Variants in FRRS1 observed in about 807,000 individuals in gnomAD.
FRRS1 encodes ferric chelate reductase 1, also known as ferric reductase 1.
A neutral mutation model predicts 70.7 loss-of-function variants in FRRS1; 51 were observed. That is an observed-to-expected ratio of 0.72 (90% confidence interval 0.58 to 0.91). The LOEUF (loss-of-function observed/expected upper bound fraction) is 0.91. Among genes scored for constraint, FRRS1 ranks in the 40% least tolerant of loss-of-function variants. The probability of loss-of-function intolerance (pLI) is 0.00; values close to 1 mark genes in which losing one functional copy is unlikely to be tolerated. For synonymous variants in FRRS1, 225 were observed against 238.7 expected, an observed-to-expected ratio of 0.94 and a Z score of 0.53; for missense variants, 672 against 726.0, an observed-to-expected ratio of 0.93 and a Z score of 0.86.
At chr1:99,715,824 GA>G (rs371969010) in intron 11 of FRRS1, 152 bp from the exon 12 acceptor site, 10,251 of 375,146 alleles carry the variant, frequency 0.027, 103 homozygotes, top group African/African-American at 0.083. Context: ...GCCAGGTTAA[GA>G]AAAAAAAAAA....
chr1:99,764,081 T>TGA (rs1657244486), intron 1 of FRRS1, among the ~76,000 whole-genome samples: 1 of 152,078 alleles, frequency 6.6e-6, no homozygotes, highest in Non-Finnish European at 1.5e-5. Context: ...TAATAATTAT[T>TGA]GAGTGCATTC....
chr1:99,735,634 C>G (rs1206363244), intron 7 of FRRS1, among the ~76,000 whole-genome samples: 1 of 152,172 alleles, frequency 6.6e-6, no homozygotes, highest in Non-Finnish European at 1.5e-5. Context: ...AACAGGATTT[C>G]TCTGTAAATC....
At chr1:99,722,747 A>C (rs973261227) in intron 9 of FRRS1, among the ~76,000 whole-genome samples, 1 of 152,218 alleles carries the variant, frequency 6.6e-6, no homozygotes, top group Non-Finnish European at 1.5e-5. Flanking sequence ...GACATTTAAC[A>C]CTGAATATCA....
At chr1:99,746,435 T>C (rs907237307) in intron 4 of FRRS1, among the ~76,000 whole-genome samples, 1 of 152,166 alleles carries the variant, frequency 6.6e-6, no homozygotes, top group African/African-American at 2.4e-5. Flanking sequence ...TGTATCTAGA[T>C]GTTGTGCATG....
At chr1:99,753,112 C>T (rs1309032671) in intron 1 of FRRS1, among the ~76,000 whole-genome samples, 1 of 151,292 alleles carries the variant, frequency 6.6e-6, no homozygotes, top group African/African-American at 2.4e-5. Flanking sequence ...ACTTAAGAGG[C>T]TGAGGCAGGA....
chr1:99,734,034 T>C (rs146533466), intron 7 of FRRS1, among the ~76,000 whole-genome samples: 1 of 152,298 alleles, frequency 6.6e-6, no homozygotes, highest in African/African-American at 2.4e-5. Context: ...CCAAAAAGTC[T>C]TAACATAAAT....
intron 6 of FRRS1, among the ~76,000 whole-genome samples, chr1:99,740,254 A>G (rs1485476277): frequency 3.3e-5 from 5 of 152,236 alleles, no homozygotes; most frequent in African/African-American, 4.8e-5. Context: ...TTTATTTTCA[A>G]ATGAAAACAT....
intron 1 of FRRS1, among the ~76,000 whole-genome samples, chr1:99,749,508 T>A (rs1188128688): frequency 1.3e-5 from 2 of 152,350 alleles, no homozygotes; most frequent in African/African-American, 4.8e-5. Context: ...GATTTAAATA[T>A]CATCACCTGA....
rs1212977948 is a variant in FRRS1, at chr1:99,742,182, A to G, written c.425T>C (p.Phe142Ser). 1.9e-6 allele frequency: 3 copies of G among 1,584,524 alleles called. No individual in the cohort carries two copies. Residue 142 changes from phenylalanine (F) to serine (S), a missense_variant, in exon 5 of 17, where the codon TTT becomes TCT. By Grantham distance (155) the Phe-to-Ser change is radical (BLOSUM62 -2). Transcript: ENST00000646001. ...APSSAPNHTQ[F>S]LVTVVEKYKI... ...AATTATAAACTCTTATACTCACAGA[A>G]ACTGTGTGTGATTTGGAGCACTGCT...
intron 1 of FRRS1, among the ~76,000 whole-genome samples, chr1:99,761,318 G>T (rs1305507415): frequency 2.0e-5 from 3 of 152,038 alleles, no homozygotes; most frequent in Non-Finnish European, 4.4e-5. Context: ...TGTAGAGACA[G>T]GGTCTGACTA....
Position 99,707,962 on chromosome 1 carries a change from C to A in FRRS1, c.*1066G>T, listed in dbSNP as rs577580725. Among the ~76,000 whole-genome samples the A allele has an allele frequency of 4.6e-5, 7 of 152,112 alleles. No individual in the cohort carries two copies. Among genetic ancestry groups the A allele is most frequent in the Non-Finnish European group, 8.8e-5 (6 of 68,020 alleles). ...CAATTTTGAAATCCAAGTGTATAAT[C>A]CCCAAATGCTGTAAGGACTTAAATT... On this transcript the variant is annotated 3_prime_UTR_variant, in exon 17 of 17. Coordinates refer to ENST00000646001, the MANE Select transcript of FRRS1 (RefSeq NM_001361041.2).
chr1:99,748,898 T>G lies in FRRS1; in HGVS notation c.-2A>C. The G allele has an allele frequency of 1.6e-6, 1 of 606,374 alleles. No homozygotes were observed. Among genetic ancestry groups the G allele is most frequent in the South Asian group, 2.8e-5 (1 of 36,180 alleles). 37.6% of individuals were successfully genotyped at this position (606,374 alleles called of 1,614,324 possible). ...CAGCAAACCATATTCTCAACATACC[T>G]GATAAAAAGAATGTGATATGTGAAG... On this transcript the variant is annotated splice_region_variant and 5_prime_UTR_variant, in exon 2 of 17. Coordinates refer to ENST00000646001, the MANE Select transcript of FRRS1 (RefSeq NM_001361041.2).
chr1:99,726,669 G>A (rs1655090750), intron 9 of FRRS1, among the ~76,000 whole-genome samples: 1 of 152,206 alleles, frequency 6.6e-6, no homozygotes, highest in Non-Finnish European at 1.5e-5. Context: ...ACAAATACTT[G>A]ACCTTTTCCT....
Position 99,706,657 on chromosome 1 carries a change from G to C in FRRS1, c.*2371C>G, listed in dbSNP as rs1198691556. Among the ~76,000 whole-genome samples the C allele has an allele frequency of 6.6e-6, 1 of 152,112 alleles. No individual in the cohort carries two copies. ...GCCTGTAATCCCAGCACTTTGGGAGGCTGAGGCGGGTGGATTACTTTAGAC... is the reference window on the plus strand; with the variant it reads ...GCCTGTAATCCCAGCACTTTGGGAGCCTGAGGCGGGTGGATTACTTTAGAC... On this transcript the variant is annotated 3_prime_UTR_variant, in exon 17 of 17. Transcript: ENST00000646001.
chr1:99,733,231 G>A (rs1007164605), intron 7 of FRRS1, among the ~76,000 whole-genome samples: 1 of 152,150 alleles, frequency 6.6e-6, no homozygotes, highest in Non-Finnish European at 1.5e-5. Context: ...ATGGAAGCAA[G>A]AGGACTAATG....
intron 14 of FRRS1, 48 bp downstream of exon 14, chr1:99,712,057 T>A: frequency 1.6e-6 from 2 of 1,279,484 alleles, no homozygotes; most frequent in Non-Finnish European, 2.2e-6. Context: ...ACTTGTAATA[T>A]AAGCAGCTAG....
At chr1:99,738,892 C>A (rs4486466) in intron 6 of FRRS1, among the ~76,000 whole-genome samples, 74,952 of 151,698 alleles carry the variant, frequency 0.49, 22,504 homozygotes, top group African/African-American at 0.85. Flanking sequence ...GACTTAATCC[C>A]GAGCTTCTTG....
At chr1:99,714,089 G>T (rs543666871) in intron 12 of FRRS1, among the ~76,000 whole-genome samples, 2 of 152,218 alleles carry the variant, frequency 1.3e-5, no homozygotes, top group East Asian at 3.9e-4. Flanking sequence ...AGGCAGTCAT[G>T]AAGGTCCCTG....
chr1:99,753,184 G>C (rs1359572906), intron 1 of FRRS1, among the ~76,000 whole-genome samples: 1 of 149,620 alleles, frequency 6.7e-6, no homozygotes, highest in East Asian at 2.0e-4. Flanking sequence ...CTGCACTCCA[G>C]CCTGGATAAT....
Sources: gnomAD v4.1 joint callset for allele counts (sites outside exome capture counted in the v4.1 genomes callset) on GRCh38, gnomAD v4.1.1 for gene constraint, MANE v1.5 for transcripts, NCBI Gene and HGNC (gene_info 2026-07-23, HGNC 2026-07-21) for gene names.